CACNA1A: variants seen among roughly 807,000 people sequenced by gnomAD.
CACNA1A encodes voltage-dependent P/Q-type calcium channel subunit alpha-1A.
CACNA1A carries 57 observed loss-of-function variants against 262.4 expected under a neutral mutation model. That is an observed-to-expected ratio of 0.22 (90% confidence interval 0.18 to 0.27). CACNA1A has a LOEUF of 0.27. Among genes scored for constraint, CACNA1A ranks in the 10% least tolerant of loss-of-function variants. The pLI is 1.00. For missense variants in CACNA1A, 2,526 were observed against 3,562.8 expected, an observed-to-expected ratio of 0.71 and a Z score of 7.41; for synonymous variants, 1,431 against 1,419.3, an observed-to-expected ratio of 1.01 and a Z score of -0.18.
chr19:13,231,356 C>A (rs1216360484), intron 35 of CACNA1A, among the ~76,000 whole-genome samples: 1 of 152,066 alleles, frequency 6.6e-6, no homozygotes, highest in African/African-American at 2.4e-5. Context: ...TTCTGGCCCC[C>A]ACTCCCAACC....
At chr19:13,406,752 C>T (rs1488245331) in intron 3 of CACNA1A, among the ~76,000 whole-genome samples, 1 of 151,524 alleles carries the variant, frequency 6.6e-6, no homozygotes, top group Non-Finnish European at 1.5e-5. Flanking sequence ...GGCCATCACC[C>T]TTCAGCCAGA....
intron 40 of CACNA1A, chr19:13,213,646 T>C (rs1406295407): frequency 6.9e-6 from 1 of 144,816 alleles, no homozygotes; most frequent in African/African-American, 2.5e-5. Flanking sequence ...GAAGAATGAA[T>C]CCACATGATG....
intron 3 of CACNA1A, among the ~76,000 whole-genome samples, chr19:13,429,117 C>CA (rs995379035): frequency 2.6e-5 from 4 of 151,466 alleles, no homozygotes; most frequent in African/African-American, 9.7e-5. Context: ...TTTCTTTGCC[C>CA]AAGCTGATTT....
Position 13,235,263 on chromosome 19 carries a change from A to G in CACNA1A, c.5079T>C (p.Tyr1693=), listed in dbSNP as rs374673252. Residue 1693 remains tyrosine, a synonymous_variant, in exon 33 of 47, where the codon TAT becomes TAC. Coordinates refer to ENST00000360228, the MANE Select transcript of CACNA1A (RefSeq NM_001127222.2). ...TFVQSFKALP[Y]VCLLIAMLFF... is the part of the protein sequence containing the mutation. ...AGAGCATGGCGATCAGCAGACAGAC[A>G]TAAGGCAGGGCCTGGTGGGAAAAAA... The G allele has an allele frequency of 1.3e-6, 2 of 1,594,746 alleles. No homozygotes were observed. The highest frequency in any genetic ancestry group is 1.7e-6 in the Non-Finnish European group (2 of 1,170,804).
chr19:13,238,481 C>T (rs1256730946), intron 31 of CACNA1A, among the ~76,000 whole-genome samples: 2 of 152,178 alleles, frequency 1.3e-5, no homozygotes, highest in Non-Finnish European at 2.9e-5. Context: ...CAACACCTGC[C>T]TATCTGACTT....
At chr19:13,364,117 A>G (rs1268281013) in intron 5 of CACNA1A, 1 of 152,150 alleles carries the variant, frequency 6.6e-6, no homozygotes, top group Non-Finnish European at 1.5e-5. Context: ...CCAGCCACTG[A>G]AGGGTTAATG....
chr19:13,247,271 G>A (rs1336699606), intron 30 of CACNA1A, among the ~76,000 whole-genome samples: 1 of 152,206 alleles, frequency 6.6e-6, no homozygotes, highest in Non-Finnish European at 1.5e-5. Flanking sequence ...AAGTGCCTGG[G>A]GCCTCTGCGC....
At chr19:13,257,635 G>T in intron 27 of CACNA1A, 84 bp from the exon 28 acceptor site, 1 of 770,594 alleles carries the variant, frequency 1.3e-6, no homozygotes. Flanking sequence ...GTGGAGAGAG[G>T]GTGGAAGTGA....
chr19:13,390,610 C>G lies in CACNA1A; in HGVS notation c.540-18831G>C, dbSNP rs79098721. 2.0e-5 allele frequency among the ~76,000 whole-genome samples: 3 copies of G among 152,270 alleles called. No individual in the cohort carries two copies. The East Asian group carries it at 5.8e-4, about 29-fold the overall frequency. ...CTAAATTTAAAATGACCACACAGTGCTAGGGACCTCTATAACAAACAGCAG... is the reference window on the plus strand; with the variant it reads ...CTAAATTTAAAATGACCACACAGTGGTAGGGACCTCTATAACAAACAGCAG... On this transcript the variant is annotated intron_variant, in intron 3 of 46. Transcript: ENST00000360228.
Position 13,227,359 on chromosome 19 carries a change from TAAA to T in CACNA1A, c.5625+69_5625+71del, listed in dbSNP as rs527479319. On this transcript the variant is annotated intron_variant, in intron 37 of 46. Transcript: ENST00000360228. ...TCGGCCGGGTGTTTCTGGTCAGCAC[TAAA>T]AAAAAAGAAGAAGAAGAAGAAAAAA... 4.6e-3 allele frequency: 2,795 copies of T among 604,156 alleles called. 23 individuals are homozygous for T. The highest frequency in any genetic ancestry group is 0.018 in the African/African-American group (680 of 38,326). The allele number at this position is 604,156 out of a possible 1,614,324, so 37.4% of individuals were successfully genotyped here. A position where few individuals can be genotyped will look rare whatever the true frequency, so the allele number is the denominator to read the frequency against.
At chr19:13,426,626 T>A (rs1014324772) in intron 3 of CACNA1A, among the ~76,000 whole-genome samples, 5 of 152,206 alleles carry the variant, frequency 3.3e-5, no homozygotes, top group African/African-American at 9.7e-5. Context: ...ATTCTAATAC[T>A]TGGAATTAAA....
At chr19:13,440,829 G>T (rs1445259329) in intron 3 of CACNA1A, among the ~76,000 whole-genome samples, 1 of 152,126 alleles carries the variant, frequency 6.6e-6, no homozygotes, top group African/African-American at 2.4e-5. Flanking sequence ...TGTTTTGTTT[G>T]TTTGAGACAA....
chr19:13,339,767 C>T (rs2058643278), intron 6 of CACNA1A, among the ~76,000 whole-genome samples: 1 of 147,514 alleles, frequency 6.8e-6, no homozygotes, highest in African/African-American at 2.6e-5. Context: ...TGTGTTTTGC[C>T]ATGGATTAAA....
chr19:13,286,458 G>A, intron 20 of CACNA1A, 45 bp downstream of exon 20: 3 of 967,606 alleles, frequency 3.1e-6, no homozygotes, highest in East Asian at 2.6e-5. Context: ...TGGCTCCAGG[G>A]ACGCCAGGTC....
rs121908242 is a variant in CACNA1A at position 13,298,946 on chromosome 19, G to C, written c.2687C>G (p.Pro896Arg). The change falls in exon 19 of 47, where the codon CCC (proline) becomes CGC (arginine). Residue 896 changes from proline (P) to arginine (R), a missense_variant. Transcript: ENST00000360228. ...SQEAELSREG[P>R]YGRESDHHAR... Reference sequence around the variant, plus strand: ...GTGGTGGTCCGACTCGCGGCCGTAGGGTCCCTCCCGGCTCAGCTCGGCCTC... The same window carrying C: ...GTGGTGGTCCGACTCGCGGCCGTAGCGTCCCTCCCGGCTCAGCTCGGCCTC... 2,775 of 1,591,310 alleles carry C rather than the reference G, an allele frequency of 1.7e-3. 11 individuals are homozygous for C. Among genetic ancestry groups the C allele is most frequent in the Non-Finnish European group, 2.1e-3 (2,475 of 1,176,248 alleles).
At chr19:13,412,828 C>A (rs75029487) in intron 3 of CACNA1A, among the ~76,000 whole-genome samples, 4 of 152,072 alleles carry the variant, frequency 2.6e-5, no homozygotes, top group Non-Finnish European at 4.4e-5. Flanking sequence ...TAAAAAATAA[C>A]ATTTGTTTGG....
chr19:13,378,256 T>G (rs1025524355), intron 3 of CACNA1A, among the ~76,000 whole-genome samples: 1 of 152,192 alleles, frequency 6.6e-6, no homozygotes. Flanking sequence ...GCAAAGAAAG[T>G]GATTTCTTGA....
In CACNA1A at chr19:13,486,857, ATCTC is replaced by A. The variant is rs375465542; in HGVS notation, c.293+19071_293+19074del. 5.9e-4 allele frequency among the ~76,000 whole-genome samples: 82 copies of A among 138,282 alleles called. 1 individual carries two copies. Among genetic ancestry groups the A allele is most frequent in the African/African-American group, 1.3e-3 (49 of 37,200 alleles). The allele number at this position is 138,282 out of a possible 152,430, so 90.7% of individuals were successfully genotyped here. ...CACCTTCCACTTTTCTTTCTCTCTCATCTCTCTCTCTCTCTCTGTGTCTCCTCTT... is the reference window on the plus strand; with the variant it reads ...CACCTTCCACTTTTCTTTCTCTCTCATCTCTCTCTCTCTGTGTCTCCTCTT... On this transcript the variant is annotated intron_variant, in intron 1 of 46. Transcript: ENST00000360228.
chr19:13,290,849 C>G (rs960330931), intron 19 of CACNA1A, among the ~76,000 whole-genome samples: 1 of 152,102 alleles, frequency 6.6e-6, no homozygotes, highest in Non-Finnish European at 1.5e-5. Flanking sequence ...CTTTGGCCAC[C>G]AGCTCAAGAA....
Sources: allele counts gnomAD v4.1 joint callset (sites outside exome capture counted in the v4.1 genomes callset), GRCh38; gene constraint gnomAD v4.1.1; transcripts MANE v1.5; gene names NCBI Gene and HGNC (gene_info 2026-07-23, HGNC 2026-07-21).